The following FBXL12 variants were observed in gnomAD, a reference collection of about 807,000 sequenced individuals.
FBXL12 encodes the protein F-box/LRR-repeat protein 12.
A neutral mutation model predicts 24.9 loss-of-function variants in FBXL12; 22 were observed. The ratio of observed to expected loss-of-function variants is 0.88; its 90% CI spans 0.63 to 1.26. FBXL12 has a LOEUF of 1.26. Among genes scored for constraint, FBXL12 ranks in the 50% most tolerant of loss-of-function variants. FBXL12 has a pLI of 0.00. For missense variants in FBXL12, 384 were observed against 434.1 expected (o/e 0.88, Z 1.03); for synonymous variants, 193 against 193.8 (o/e 1.00, Z 0.03).
rs753720435 is a variant in FBXL12, at chr19:9,811,059, T to A, written c.818A>T (p.Glu273Val). The change falls in exon 3 of 3, where the codon GAA becomes GTA. Residue 273 changes from glutamate (E) to valine (V), a missense_variant. Physicochemically the swap from Glu to Val is moderately radical, Grantham distance 121. Coordinates refer to ENST00000247977, the MANE Select transcript of FBXL12 (RefSeq NM_017703.3). This position sits in a 1 kb window ranked among gnomAD's most constrained non-coding sequence, Gnocchi z 6.0. Reference protein sequence around the residue: ...LVTPEMPSPTEILSSCLTMPK... With the variant: ...LVTPEMPSPTVILSSCLTMPK... ...CATAGTGAGGCAGGAGGAGAGGATT[T>A]CAGTGGGGGAGGGCATTTCTGGGGT... 3.1e-6 allele frequency: 5 copies of A among 1,612,504 alleles called. No homozygotes were observed. In the South Asian group the frequency reaches 5.5e-5, roughly 18 times the overall value.
At chr19:9,816,844 GA>G (rs2045895726) in intron 2 of FBXL12, among the ~76,000 whole-genome samples, 1 of 152,184 alleles carries the variant, frequency 6.6e-6, no homozygotes, top group South Asian at 2.1e-4. Flanking sequence ...CTGAGACTGG[GA>G]AGAAAAAGAG....
chr19:9,818,496 T>TCCGGGCA (rs2045932269), intron 2 of FBXL12, 49 bp downstream of exon 2: 3 of 1,522,398 alleles, frequency 2.0e-6, no homozygotes, highest in Non-Finnish European at 2.6e-6. Context: ...GTCTTCGGGG[T>TCCGGGCA]CCGGGCACCG....
Position 9,818,893 on chromosome 19 carries a change from G to A in FBXL12, c.-80C>T. ...GGGCGCCGAGGCGGCTGACAGGGCG[G>A]CGGCCGCGACCTTCCCGTAGCCGGT... On this transcript the variant is annotated 5_prime_UTR_variant, in exon 1 of 3. Transcript: ENST00000247977. 1 of 1,365,262 alleles carries A rather than the reference G, an allele frequency of 7.3e-7. No homozygotes were observed. Among genetic ancestry groups the A allele is most frequent in the Non-Finnish European group, 1.0e-6 (1 of 996,528 alleles). 84.6% of individuals were successfully genotyped at this position (1,365,262 alleles called of 1,614,324 possible).
Position 9,818,596 on chromosome 19 carries a change from C to T in FBXL12, c.108G>A (p.Arg36=). The change falls in exon 2 of 3, where the codon AGG becomes AGA. Residue 36 remains arginine, a synonymous_variant. Transcript: ENST00000247977. ...RISRVCHRWK[R]LVDDRWLWRH... Reference sequence around the variant, plus strand: ...GCCACAGCCACCGGTCGTCCACCAGCCTCTTCCAGCGGTGACAGACCCTGG... The same window carrying T: ...GCCACAGCCACCGGTCGTCCACCAGTCTCTTCCAGCGGTGACAGACCCTGG... The T allele has an allele frequency of 6.4e-7, 1 of 1,555,912 alleles. No homozygotes were observed. The highest frequency in any genetic ancestry group is 1.4e-5 in the African/African-American group (1 of 73,680).
Position 9,811,045 on chromosome 19 carries a change from A to C in FBXL12, c.832T>G (p.Cys278Gly). ...MPSPTEILSS[C>G]LTMPKLRVLE... The stretch of plus-strand genomic sequence containing the variant: ...ACTCTGAGCTTGGGCATAGTGAGGC[A>C]GGAGGAGAGGATTTCAGTGGGGGAG... Residue 278 changes from cysteine (C) to glycine (G), a missense_variant, in exon 3 of 3, where the codon TGC becomes GGC. By Grantham distance (159) the Cys-to-Gly change is radical (BLOSUM62 -3). Transcript: ENST00000247977. This position sits in a 1 kb window ranked among gnomAD's most constrained non-coding sequence, Gnocchi z 6.0. The C allele has an allele frequency of 6.3e-7, 1 of 1,594,478 alleles. No individual in the cohort carries two copies. The highest frequency in any genetic ancestry group is 8.5e-7 in the Non-Finnish European group (1 of 1,170,372).
intron 2 of FBXL12, among the ~76,000 whole-genome samples, chr19:9,813,936 G>A (rs2045819853): frequency 6.6e-6 from 1 of 152,002 alleles, no homozygotes; most frequent in African/African-American, 2.4e-5. Context: ...ACTGCACCCG[G>A]CCAAAAAGGT....
intron 2 of FBXL12, chr19:9,814,757 T>A (rs2045843791): frequency 6.9e-6 from 1 of 145,604 alleles, no homozygotes; most frequent in African/African-American, 2.6e-5. Context: ...AAACCCCTGA[T>A]AAACCCATCA....
At position 9,811,433 on chromosome 19, in the gene FBXL12, G is replaced by A. The variant is rs148679533; in HGVS notation, c.444C>T (p.Thr148=). 90 of 1,613,606 alleles carry A rather than the reference G, an allele frequency of 5.6e-5. No individual in the cohort carries two copies. Among genetic ancestry groups the A allele is most frequent in the Admixed American group, 8.3e-5 (5 of 60,010 alleles). ...MAWLHKQQDP[T]VLPLLECIVL... is the part of the protein sequence containing the mutation. ...CGATGCATTCAAGCAGGGGCAGCAC[G>A]GTGGGGTCCTGCTGCTTGTGGAGCC... Residue 148 remains threonine, a synonymous_variant, in exon 3 of 3, where the codon ACC becomes ACT. Coordinates refer to ENST00000247977, the MANE Select transcript of FBXL12 (RefSeq NM_017703.3). This position sits in a 1 kb window ranked among gnomAD's most constrained non-coding sequence, Gnocchi z 6.0.
intron 2 of FBXL12, chr19:9,818,099 C>CCG: frequency 2.6e-6 from 1 of 387,140 alleles, no homozygotes; most frequent in Non-Finnish European, 4.6e-6. Flanking sequence ...GTGGTTCCAG[C>CCG]TACTCAGGAG....
intron 2 of FBXL12, 132 bp downstream of exon 2, chr19:9,818,413 G>T: frequency 1.1e-6 from 1 of 940,386 alleles, no homozygotes; most frequent in Non-Finnish European, 1.6e-6. Flanking sequence ...ATGATGCCGA[G>T]ATAGGCCCCG....
chr19:9,810,991 C>G lies in FBXL12; in HGVS notation c.886G>C (p.Gly296Arg). Residue 296 changes from glycine (G) to arginine (R), a missense_variant, in exon 3 of 3, where the codon GGT (glycine) becomes CGT (arginine). Gly to Arg is a moderately radical substitution (Grantham distance 125). Transcript: ENST00000247977. ...CACAGGATCTTCTCCGCCTCCTGAC[C>G]CTCCCACCCCAGCCCCTGCAGCTCA... ...VLELQGLGWE[G>R]QEAEKILCKG... is the part of the protein sequence containing the mutation. 1 of 1,613,480 alleles carries G rather than the reference C, an allele frequency of 6.2e-7. No homozygotes were observed. Among genetic ancestry groups the G allele is most frequent in the Non-Finnish European group, 8.5e-7 (1 of 1,179,660 alleles).
rs1369565740 is a variant in FBXL12 at position 9,811,877 on chromosome 19, G to C, written c.160-160C>G. Among the ~76,000 whole-genome samples, 1 of 151,494 alleles carries C rather than the reference G, an allele frequency of 6.6e-6. No homozygotes were observed. The highest frequency in any genetic ancestry group is 1.5e-5 in the Non-Finnish European group (1 of 67,906). The stretch of plus-strand genomic sequence containing the variant: ...TCCTCCCCAGGTTCAACCTCCCCAG[G>C]TTCAACCAGATGGTTTGAGTGCACC... On this transcript the variant is annotated intron_variant, in intron 2 of 2. Transcript: ENST00000247977. This position sits in a 1 kb window ranked among gnomAD's most constrained non-coding sequence, Gnocchi z 6.0.
rs561913226 is a variant in FBXL12, at chr19:9,810,890, G to T, written c.*6C>A. The T allele has an allele frequency of 3.2e-6, 5 of 1,571,586 alleles. No homozygotes were observed. In the East Asian group the frequency reaches 9.1e-5, roughly 29 times the overall value. On this transcript the variant is annotated 3_prime_UTR_variant, in exon 3 of 3. Coordinates refer to ENST00000247977, the MANE Select transcript of FBXL12 (RefSeq NM_017703.3). Reference sequence around the variant, plus strand: ...CTGGGATGGGTCCCAAGGGCAGGTGGAGTAGTTACATCCACCAGTCCATAG... The same window carrying T: ...CTGGGATGGGTCCCAAGGGCAGGTGTAGTAGTTACATCCACCAGTCCATAG...
In FBXL12 at chr19:9,818,723, C is replaced by T. The variant is rs2145385655; in HGVS notation, c.86+5G>A. The T allele has an allele frequency of 6.5e-7, 1 of 1,543,966 alleles. No individual in the cohort carries two copies. The highest frequency in any genetic ancestry group is 2.4e-5 in the East Asian group (1 of 40,998). On this transcript the variant is annotated splice_donor_5th_base_variant and intron_variant, in intron 1 of 2. Transcript: ENST00000247977. ...CTGCCCTTCCCCCCGGAGGCGGGGCCGCACCTGGAGATGCGGATCCGGTCC... is the reference window on the plus strand; with the variant it reads ...CTGCCCTTCCCCCCGGAGGCGGGGCTGCACCTGGAGATGCGGATCCGGTCC...
rs184620993 is a variant in FBXL12, at chr19:9,816,527, A to T, written c.159+2018T>A. Among the ~76,000 whole-genome samples the T allele has an allele frequency of 2.6e-5, 4 of 152,294 alleles. No individual in the cohort carries two copies. The East Asian group carries it at 5.8e-4, about 22-fold the overall frequency. ...CCATCAGTCTCTCTGCTAAAACATAACAAGAGTCACCTTTACTCCAGTTCC... is the reference window on the plus strand; with the variant it reads ...CCATCAGTCTCTCTGCTAAAACATATCAAGAGTCACCTTTACTCCAGTTCC... On this transcript the variant is annotated intron_variant, in intron 2 of 2. Transcript: ENST00000247977.
chr19:9,813,258 A>C, intron 2 of FBXL12: 7 of 1,231,422 alleles, frequency 5.7e-6, no homozygotes, highest in Non-Finnish European at 7.1e-6. Flanking sequence ...GGATTTCTCT[A>C]CTTGGCATCA....
In FBXL12 at chr19:9,818,826, AC is replaced by A. The variant is rs1280859172; in HGVS notation, c.-14del. The A allele has an allele frequency of 6.5e-7, 1 of 1,547,610 alleles. No homozygotes were observed. Among genetic ancestry groups the A allele is most frequent in the Admixed American group, 2.0e-5 (1 of 50,928 alleles). On this transcript the variant is annotated 5_prime_UTR_variant, in exon 1 of 3. Coordinates refer to ENST00000247977, the MANE Select transcript of FBXL12 (RefSeq NM_017703.3). Reference sequence around the variant, plus strand: ...CCAAAGTCGCCATGATCCCGCCGACACGCACTTCCGCTTCCGGTTAAAGAGA... The same window carrying A: ...CCAAAGTCGCCATGATCCCGCCGACAGCACTTCCGCTTCCGGTTAAAGAGA...
Position 9,811,185 on chromosome 19 carries a change from C to A in FBXL12, c.692G>T (p.Arg231Leu), listed in dbSNP as rs142014372. 4.5e-5 allele frequency: 72 copies of A among 1,611,682 alleles called. No homozygotes were observed. Among genetic ancestry groups the A allele is most frequent in the East Asian group, 6.7e-5 (3 of 44,824 alleles). Residue 231 changes from arginine (R) to leucine (L), a missense_variant, in exon 3 of 3, where the codon CGC becomes CTC. By Grantham distance (102) the Arg-to-Leu change is moderately radical. Transcript: ENST00000247977. The surrounding 1 kb of genome is among the most constrained non-coding windows in gnomAD (Gnocchi z 6.0). ...GCCCCTCACGGTCAGCCGGATCTTG[C>A]GCACATCTCGGAGGTGGCGGCTGAT... Reference protein sequence around the residue: ...LAISRHLRDVRKIRLTVRGLS... With the variant: ...LAISRHLRDVLKIRLTVRGLS...
rs2045945151 is a variant in FBXL12, at chr19:9,818,957, G to C, written c.-144C>G. On this transcript the variant is annotated 5_prime_UTR_variant, in exon 1 of 3. Coordinates refer to ENST00000247977, the MANE Select transcript of FBXL12 (RefSeq NM_017703.3). ...CTTCCTCTCGCTGGGAAGTGATTCG[G>C]TCCCAGGGCCGGACCAGCCGCGGAT... 2.6e-6 allele frequency: 2 copies of C among 775,802 alleles called. No individual in the cohort carries two copies. The highest frequency in any genetic ancestry group is 4.2e-6 in the Non-Finnish European group (2 of 480,222). 48.1% of individuals were successfully genotyped at this position (775,802 alleles called of 1,614,324 possible). A position where few individuals can be genotyped will look rare whatever the true frequency, so the allele number is the denominator to read the frequency against.
Sources: allele counts gnomAD v4.1 joint callset (sites outside exome capture counted in the v4.1 genomes callset), GRCh38; gene constraint gnomAD v4.1.1; non-coding constraint Gnocchi (gnomAD v3.1); transcripts MANE v1.5; gene names NCBI Gene and HGNC (gene_info 2026-07-23, HGNC 2026-07-21).